NHSL2: variants seen among roughly 807,000 people sequenced by gnomAD.
NHSL2 encodes the protein NHS like 2, also known as NHS-like protein 2.
NHSL2 carries 27 observed loss-of-function variants against 53.4 expected under a neutral mutation model. That is an observed-to-expected ratio of 0.51 (90% CI 0.37 to 0.70). The LOEUF (loss-of-function observed/expected upper bound fraction) is 0.70, where lower values mean the gene tolerates loss of function less well. Ranked by LOEUF, NHSL2 falls within the 30% of genes least tolerant of loss-of-function variation. NHSL2 has a pLI of 0.00. For synonymous variants in NHSL2, 408 were observed against 404.1 expected (o/e 1.01, Z -0.12); for missense variants, 892 against 980.1 (o/e 0.91, Z 1.20).
intron 1 of NHSL2, among the ~76,000 whole-genome samples, chrX:72,041,470 G>T (rs1479146994): frequency 8.9e-6 from 1 of 112,497 alleles, no homozygotes; most frequent in Non-Finnish European, 1.9e-5. Flanking sequence ...CAGAAATCCA[G>T]ATTTCTAAAA....
chrX:72,061,057 C>G (rs1349551266), intron 1 of NHSL2, among the ~76,000 whole-genome samples: 1 of 112,337 alleles, frequency 8.9e-6, no homozygotes, highest in Non-Finnish European at 1.9e-5. Context: ...CCACTCCCCA[C>G]TCCAAAGGAA....
Position 72,138,512 on chromosome X carries a change from C to T in NHSL2, c.964C>T (p.Pro322Ser), listed in dbSNP as rs1431465287. The T allele has an allele frequency of 2.6e-6, 3 of 1,163,770 alleles. No homozygotes were observed. Among genetic ancestry groups the T allele is most frequent in the African/African-American group, 1.8e-5 (1 of 55,645 alleles). ...TSDIRPSHSV[P>S]EGVHGRVAVG... ...CGACATCAGGCCCAGTCACTCAGTT[C>T]CAGAAGGGGTTCATGGAAGAGTTGC... is the stretch of plus-strand genomic sequence containing the variant. Residue 322 changes from proline to serine, a missense_variant, in exon 6 of 8, where the codon CCA becomes TCA. Transcript: ENST00000633930.
intron 1 of NHSL2, among the ~76,000 whole-genome samples, chrX:71,971,783 A>G (rs770215366): frequency 9.0e-6 from 1 of 111,154 alleles, no homozygotes; most frequent in South Asian, 3.9e-4. Context: ...AGCCAGGTGT[A>G]GTGGCATGCA....
intron 1 of NHSL2, among the ~76,000 whole-genome samples, chrX:72,112,546 C>A (rs2147479024): frequency 8.9e-6 from 1 of 111,948 alleles, no homozygotes; most frequent in Non-Finnish European, 1.9e-5. Context: ...GACCACTAAT[C>A]AACTTTCTGT....
At chrX:72,126,618 C>T (rs2042228417) in intron 1 of NHSL2, among the ~76,000 whole-genome samples, 1 of 111,407 alleles carries the variant, frequency 9.0e-6, no homozygotes, top group Admixed American at 9.4e-5. Flanking sequence ...TGGGCAAATC[C>T]CAGAATGGGA....
At chrX:72,138,383 A>G in intron 5 of NHSL2, 58 bp from the exon 6 acceptor site, 3 of 987,970 alleles carry the variant, frequency 3.0e-6, no homozygotes, top group Non-Finnish European at 4.0e-6. Flanking sequence ...CCTGTCTCAA[A>G]ACAGCTGGTG....
rs746839851 is a variant in NHSL2 at position 72,135,541 on chromosome X, G to A, written c.760+837G>A. ...GCCAGCGCCAGCCTGTGCTCTGCTG[G>A]GAAATGTTGATGAAGATGATGAGGA... On this transcript the variant is annotated intron_variant, in intron 4 of 7. Coordinates refer to ENST00000633930, the MANE Select transcript of NHSL2 (RefSeq NM_001013627.3). Among the ~76,000 whole-genome samples the A allele has an allele frequency of 7.1e-5, 8 of 112,018 alleles. No homozygotes were observed. The East Asian group carries it at 2.2e-3, about 31-fold the overall frequency.
At chrX:72,014,174 A>G (rs2042126644) in intron 1 of NHSL2, among the ~76,000 whole-genome samples, 2 of 112,026 alleles carry the variant, frequency 1.8e-5, no homozygotes, top group Admixed American at 9.4e-5. Context: ...TTCCTTCCTG[A>G]TATGAGCAAT....
intron 1 of NHSL2, among the ~76,000 whole-genome samples, chrX:71,969,999 A>C (rs749170037): frequency 5.9e-4 from 66 of 112,095 alleles, no homozygotes; most frequent in Non-Finnish European, 8.8e-4. Flanking sequence ...ATTTTGTCAG[A>C]TAGTTTTCTG....
intron 1 of NHSL2, among the ~76,000 whole-genome samples, chrX:72,007,807 G>T (rs2042100750): frequency 8.8e-6 from 1 of 113,217 alleles, no homozygotes; most frequent in Non-Finnish European, 1.9e-5. Context: ...GGACCCAGAG[G>T]TTGGCAGCAG....
intron 1 of NHSL2, among the ~76,000 whole-genome samples, chrX:71,957,318 G>A (rs1285432517): frequency 2.7e-5 from 3 of 112,556 alleles, no homozygotes; most frequent in African/African-American, 9.7e-5. Flanking sequence ...TGCCCCAACA[G>A]TGCAGTGGCA....
intron 1 of NHSL2, among the ~76,000 whole-genome samples, chrX:71,916,058 A>G (rs2041626712): frequency 8.9e-6 from 1 of 111,756 alleles, no homozygotes; most frequent in Non-Finnish European, 1.9e-5. Flanking sequence ...TGCTCCAGAA[A>G]AAGGATCTTC....
intron 1 of NHSL2, among the ~76,000 whole-genome samples, chrX:71,959,990 GGC>G (rs1165164564): frequency 1.8e-5 from 2 of 111,852 alleles, no homozygotes; most frequent in South Asian, 7.4e-4. Flanking sequence ...TTTCCAAAGT[GGC>G]TATACCATCT....
intron 1 of NHSL2, among the ~76,000 whole-genome samples, chrX:71,917,893 G>C (rs1472005224): frequency 8.9e-6 from 1 of 111,881 alleles, no homozygotes; most frequent in Admixed American, 9.4e-5. Context: ...CCAGGGTGGA[G>C]GTGGGGTGGG....
Position 72,134,533 on chromosome X carries a change from G to A in NHSL2, c.589G>A (p.Asp197Asn), listed in dbSNP as rs1184773519. 1 of 1,166,296 alleles carries A rather than the reference G, an allele frequency of 8.6e-7. No individual in the cohort carries two copies. The highest frequency in any genetic ancestry group is 3.3e-5 in the East Asian group (1 of 30,730). The change falls in exon 4 of 8, where the codon GAT becomes AAT. Residue 197 changes from aspartate to asparagine, a missense_variant. Asp to Asn is a conservative substitution (Grantham distance 23). Coordinates refer to ENST00000633930, the MANE Select transcript of NHSL2 (RefSeq NM_001013627.3). ...GCCTACAAAACGGCAGCTGAGCGAG[G>A]ATGAGACTACCACCCAGGGTGTGAG... ...LMPTKRQLSE[D>N]ETTTQGVRAP...
chrX:72,141,552 C>T (rs957916613), intron 6 of NHSL2, among the ~76,000 whole-genome samples: 2 of 111,658 alleles, frequency 1.8e-5, no homozygotes, highest in Non-Finnish European at 3.8e-5. Context: ...CCTTCTCCCT[C>T]CCCGCAGATT....
chrX:72,029,533 A>G (rs756548225), intron 1 of NHSL2, among the ~76,000 whole-genome samples: 17 of 112,344 alleles, frequency 1.5e-4, no homozygotes, highest in Non-Finnish European at 2.8e-4. Context: ...ATCCTTGTCC[A>G]CCCTTCCAAT....
At position 71,963,998 on chromosome X, in the gene NHSL2, TACA is replaced by T. The variant is rs1569467063; in HGVS notation, c.280+52632_280+52634del. 8.3e-3 allele frequency among the ~76,000 whole-genome samples: 318 copies of T among 38,488 alleles called. 5 individuals carry two copies. Among genetic ancestry groups the T allele is most frequent in the African/African-American group, 0.042 (298 of 7,142 alleles). The allele number at this position is 38,488 out of a possible 115,157, so 33.4% of individuals were successfully genotyped here. On this transcript the variant is annotated intron_variant, in intron 1 of 7. Transcript: ENST00000633930. ...ACATATATATATATATATATGTATA[TACA>T]TATATATATGTATATATATATATGT... is the stretch of plus-strand genomic sequence containing the variant.
intron 1 of NHSL2, among the ~76,000 whole-genome samples, chrX:71,950,705 T>C (rs2041816400): frequency 8.9e-6 from 1 of 111,968 alleles, no homozygotes; most frequent in African/African-American, 3.2e-5. Flanking sequence ...GTCTTTCTTA[T>C]GGCTTGTAAA....
Sources: allele counts gnomAD v4.1 joint callset (sites outside exome capture counted in the v4.1 genomes callset), GRCh38; gene constraint gnomAD v4.1.1; transcripts MANE v1.5; gene names NCBI Gene and HGNC (gene_info 2026-07-23, HGNC 2026-07-21).